The following TRMT11 variants were observed in gnomAD, a reference collection of about 807,000 sequenced individuals.
The protein encoded by TRMT11 is tRNA methyltransferase 11.
In TRMT11, 53 loss-of-function variants were observed where a neutral mutation model predicts 62.8. That is an observed-to-expected ratio of 0.84 (90% CI 0.68 to 1.06). The LOEUF (loss-of-function observed/expected upper bound fraction) is 1.06. Ranked by LOEUF, TRMT11 falls within the 50% of genes least tolerant of loss-of-function variation. The pLI, the probability that TRMT11 is intolerant of heterozygous loss-of-function variation, is 0.00. For missense variants in TRMT11, 556 were observed against 553.4 expected (o/e 1.00, Z -0.05); for synonymous variants, 188 against 190.3 (o/e 0.99, Z 0.10).
At chr6:126,061,668 C>T (rs1347987216) in intron 17 of TRMT11, among the ~76,000 whole-genome samples, 5 of 151,922 alleles carry the variant, frequency 3.3e-5, no homozygotes, top group African/African-American at 7.3e-5. Flanking sequence ...GCACCTTCCT[C>T]GTCAGAAGCC....
At position 126,201,155 on chromosome 6, in the gene TRMT11, G is replaced by T. The variant is rs542288648; in HGVS notation, n.372-873G>T. Among the ~76,000 whole-genome samples the T allele has an allele frequency of 2.8e-4, 43 of 152,278 alleles. 1 individual carries two copies. Among genetic ancestry groups the T allele is most frequent in the African/African-American group, 1.0e-3 (42 of 41,554 alleles). ...ATTCAGTCTCCTTGGTTACTGCATG[G>T]TCCATGGAGAAGTGCTTTGATGTAT... On this transcript the variant is annotated intron_variant and non_coding_transcript_variant, in intron 3 of 3. Coordinates refer to the TRMT11 transcript ENST00000444229.
rs1341516086 is a variant in TRMT11, at chr6:125,998,083, A to G, written c.243A>G (p.Gln81=). Residue 81 remains glutamine (Q), a synonymous_variant, in exon 4 of 13, where the codon CAA becomes CAG. Transcript: ENST00000334379. The part of the protein sequence containing the change: ...KSIFELWGHG[Q]SPEELYSSLK... Reference sequence around the variant, plus strand: ...TATTTGAACTATGGGGTCATGGACAATCTCCTGAGGAGCTGTACAGTTCTC... The same window carrying G: ...TATTTGAACTATGGGGTCATGGACAGTCTCCTGAGGAGCTGTACAGTTCTC... 4 of 1,613,284 alleles carry G rather than the reference A, an allele frequency of 2.5e-6. No homozygotes were observed. The highest frequency in any genetic ancestry group is 2.2e-5 in the South Asian group (2 of 91,056).
At chr6:125,999,652 G>T in intron 7 of TRMT11, 39 bp downstream of exon 7, 1 of 1,527,398 alleles carries the variant, frequency 6.5e-7, no homozygotes, top group Non-Finnish European at 8.9e-7. Context: ...TAGAGATGTT[G>T]CTTATTTATA....
chr6:125,999,947 TGAAA>T (rs1792194387), intron 7 of TRMT11, among the ~76,000 whole-genome samples: 2 of 152,254 alleles, frequency 1.3e-5, no homozygotes, highest in South Asian at 2.1e-4. Flanking sequence ...AAACTCTTGG[TGAAA>T]GAAAGACTTG....
At chr6:126,120,192 G>A (rs1583880740) in intron 21 of TRMT11, among the ~76,000 whole-genome samples, 1 of 152,090 alleles carries the variant, frequency 6.6e-6, no homozygotes, top group Non-Finnish European at 1.5e-5. Context: ...GGAGAATCAC[G>A]TGAACCTGGG....
rs116126802 is a variant in TRMT11 at position 126,105,131 on chromosome 6, C to T, written c.*1438-7735C>T. ...AGCTTTTTATTGTGAAAAATTAGGA[C>T]CCGTAAATCATCCCCCTCAGAACAT... On this transcript the variant is annotated intron_variant and NMD_transcript_variant, in intron 17 of 22. Transcript: ENST00000648977. Among the ~76,000 whole-genome samples the T allele has an allele frequency of 8.9e-3, 1,356 of 152,228 alleles. 23 individuals carry two copies. The highest frequency in any genetic ancestry group is 0.031 in the African/African-American group (1,289 of 41,516).
At chr6:126,132,099 T>C (rs1435544733) in intron 21 of TRMT11, among the ~76,000 whole-genome samples, 11 of 152,074 alleles carry the variant, frequency 7.2e-5, no homozygotes, top group Admixed American at 7.2e-4. Context: ...ACACAGGTAA[T>C]TTCACAGATT....
chr6:126,240,591 C>T, the TRMT11 span, among the ~76,000 whole-genome samples: 2,091 of 152,224 alleles, frequency 0.014, 48 homozygotes, highest in African/African-American at 0.048. Context: ...GAGGAGTACC[C>T]GGCCGTGTGA....
At chr6:126,040,536 T>C (rs1216889913), downstream of TRMT11, among the ~76,000 whole-genome samples, 1 of 152,152 alleles carries the variant, frequency 6.6e-6, no homozygotes, top group Non-Finnish European at 1.5e-5. Context: ...TAGGATCTTA[T>C]TACTTTCGGC....
chr6:126,104,614 A>G (rs911876347), intron 17 of TRMT11, among the ~76,000 whole-genome samples: 2 of 152,320 alleles, frequency 1.3e-5, no homozygotes, highest in East Asian at 3.9e-4. Context: ...AGAAGACCTC[A>G]CTGAAGGAAG....
At chr6:125,999,338 T>G (rs1003293030) in intron 6 of TRMT11, 119 bp from the exon 7 acceptor site, 7 of 637,218 alleles carry the variant, frequency 1.1e-5, no homozygotes, top group Non-Finnish European at 1.8e-5. Context: ...TAAATAAGTT[T>G]AGAGCAGTAA....
chr6:126,115,571 T>C (rs1197623951), intron 20 of TRMT11, among the ~76,000 whole-genome samples: 1 of 152,142 alleles, frequency 6.6e-6, no homozygotes, highest in Non-Finnish European at 1.5e-5. Context: ...AAAATATTTA[T>C]ATTGCTATTT....
chr6:125,993,923 A>G, intron 2 of TRMT11, 101 bp downstream of exon 2: 2 of 646,736 alleles, frequency 3.1e-6, no homozygotes, highest in Admixed American at 6.3e-5. Context: ...TTGTATGGTT[A>G]CTTGTATCTG....
the TRMT11 span, among the ~76,000 whole-genome samples, chr6:126,213,732 C>T: frequency 1.6e-4 from 24 of 152,036 alleles, no homozygotes; most frequent in East Asian, 1.9e-4. Context: ...ATTTGGATGC[C>T]CTTTATATCT....
At chr6:126,168,634 T>G (rs1263103382) in intron 21 of TRMT11, among the ~76,000 whole-genome samples, 1 of 152,202 alleles carries the variant, frequency 6.6e-6, no homozygotes, top group Non-Finnish European at 1.5e-5. Flanking sequence ...TTCTCCTGCC[T>G]CAGCCTCCCA....
chr6:126,214,112 T>A, the TRMT11 span, among the ~76,000 whole-genome samples: 1 of 149,258 alleles, frequency 6.7e-6, no homozygotes, highest in Non-Finnish European at 1.5e-5. Context: ...GATGGAGTGA[T>A]CTTTCTAATG....
chr6:125,996,614 T>C (rs1240540665), intron 3 of TRMT11, among the ~76,000 whole-genome samples: 1 of 152,200 alleles, frequency 6.6e-6, no homozygotes, highest in African/African-American at 2.4e-5. Context: ...TTCTTTATAC[T>C]GTTGGAAAAT....
intron 1 of TRMT11, among the ~76,000 whole-genome samples, chr6:125,992,939 C>T (rs1018205591): frequency 6.6e-6 from 1 of 152,136 alleles, no homozygotes; most frequent in Non-Finnish European, 1.5e-5. Context: ...ACTTCTCATT[C>T]TTCTTGGTCT....
intron 17 of TRMT11, among the ~76,000 whole-genome samples, chr6:126,071,221 G>C (rs1322682007): frequency 1.3e-5 from 2 of 151,386 alleles, no homozygotes; most frequent in East Asian, 3.9e-4. Context: ...CTGTTTCCTT[G>C]GGGGGGTGGG....
Sources: gnomAD v4.1 joint callset for allele counts (sites outside exome capture counted in the v4.1 genomes callset) on GRCh38, gnomAD v4.1.1 for gene constraint, MANE v1.5 for transcripts, NCBI Gene and HGNC (gene_info 2026-07-23, HGNC 2026-07-21) for gene names.